TTC39B: variants seen among roughly 807,000 people sequenced by gnomAD.
The protein encoded by TTC39B is tetratricopeptide repeat protein 39B.
Under a neutral mutation model 96.6 loss-of-function variants are expected in TTC39B, and 92 were observed. The observed-to-expected ratio is 0.95, with a 90% confidence interval of 0.80 to 1.13. The LOEUF is 1.13. Ranked by LOEUF, TTC39B falls within the 50% of genes most tolerant of loss-of-function variation. The probability of loss-of-function intolerance (pLI) is 0.00; values close to 1 mark genes in which losing one functional copy is unlikely to be tolerated. For missense variants in TTC39B, 955 were observed against 809.3 expected (o/e 1.18, Z -2.18); for synonymous variants, 367 against 299.4 (o/e 1.23, Z -2.33).
intron 1 of TTC39B, among the ~76,000 whole-genome samples, chr9:15,304,688 C>T (rs1047520145): frequency 2.6e-4 from 40 of 151,744 alleles, no homozygotes; most frequent in African/African-American, 9.2e-4. Flanking sequence ...CAATAAAAAC[C>T]CAGATCTTTA....
chr9:15,195,563 G>A (rs1408360407), intron 8 of TTC39B, among the ~76,000 whole-genome samples: 2 of 151,608 alleles, frequency 1.3e-5, no homozygotes, highest in African/African-American at 2.4e-5. Context: ...TCAGCTACTC[G>A]GGAGGCTGAG....
intron 2 of TTC39B, among the ~76,000 whole-genome samples, chr9:15,234,288 G>T (rs556470584): frequency 6.7e-6 from 1 of 148,444 alleles, no homozygotes; most frequent in Non-Finnish European, 1.5e-5. Context: ...CAGGCCAGCC[G>T]CCCCATCCGG....
At chr9:15,229,716 T>C (rs1821318788) in intron 2 of TTC39B, among the ~76,000 whole-genome samples, 1 of 152,258 alleles carries the variant, frequency 6.6e-6, no homozygotes, top group African/African-American at 2.4e-5. Flanking sequence ...GGTCTGTTTC[T>C]GGGCATTCTT....
intron 9 of TTC39B, among the ~76,000 whole-genome samples, chr9:15,192,276 C>T (rs550457147): frequency 1.3e-5 from 2 of 152,306 alleles, no homozygotes; most frequent in East Asian, 1.9e-4. Context: ...ATTCCAGAGC[C>T]GTCATTGTCA....
At chr9:15,212,742 C>T (rs1396156807) in intron 4 of TTC39B, among the ~76,000 whole-genome samples, 4 of 152,148 alleles carry the variant, frequency 2.6e-5, no homozygotes, top group Admixed American at 1.3e-4. Context: ...GTACAAAAAT[C>T]GGAGACTAAC....
chr9:15,171,670 G>C (rs1183995782), exon 20 of TTC39B: 1 of 151,684 alleles, frequency 6.6e-6, no homozygotes, highest in Non-Finnish European at 1.4e-5. Flanking sequence ...CAACTTGTAA[G>C]CTATTTGCTA....
rs143499918 is a variant in TTC39B at position 15,214,967 on chromosome 9, T to C, written c.372-718A>G. On this transcript the variant is annotated intron_variant, in intron 3 of 19. Transcript: ENST00000512701. Reference sequence around the variant, plus strand: ...ATGATTTGGCAAACAAAACTGCTGATAAGAAATAAACCAGCACGCATGTTT... The same window carrying C: ...ATGATTTGGCAAACAAAACTGCTGACAAGAAATAAACCAGCACGCATGTTT... Among the ~76,000 whole-genome samples, 605 of 152,292 alleles carry C rather than the reference T, an allele frequency of 4.0e-3. 4 individuals carry two copies. Among genetic ancestry groups the C allele is most frequent in the African/African-American group, 0.013 (552 of 41,568 alleles).
At chr9:15,290,053 T>C (rs1306436185) in intron 1 of TTC39B, among the ~76,000 whole-genome samples, 1 of 152,218 alleles carries the variant, frequency 6.6e-6, no homozygotes, top group Non-Finnish European at 1.5e-5. Flanking sequence ...ATATAATGAC[T>C]GCTCATTTTT....
intron 9 of TTC39B, among the ~76,000 whole-genome samples, chr9:15,191,876 G>C (rs1276632595): frequency 6.6e-6 from 1 of 152,178 alleles, no homozygotes; most frequent in African/African-American, 2.4e-5. Flanking sequence ...AAGAGGTCTG[G>C]GGAAGAAGTA....
At chr9:15,242,898 T>C (rs504822) in intron 2 of TTC39B, among the ~76,000 whole-genome samples, 68,603 of 152,098 alleles carry the variant, frequency 0.45, 16,729 homozygotes, top group African/African-American at 0.63. Context: ...GCATGATGAT[T>C]CTGTAACAAA....
At chr9:15,194,937 A>G (rs1819068585) in intron 8 of TTC39B, among the ~76,000 whole-genome samples, 2 of 152,140 alleles carry the variant, frequency 1.3e-5, no homozygotes, top group Admixed American at 6.6e-5. Flanking sequence ...CCAGTTGGTA[A>G]CTCTACAGTG....
chr9:15,259,667 A>ATCTTGC (rs1350275113), intron 2 of TTC39B, among the ~76,000 whole-genome samples: 6 of 152,234 alleles, frequency 3.9e-5, no homozygotes, highest in Non-Finnish European at 7.3e-5. Context: ...AGGATGGTTC[A>ATCTTGC]ACTTGCAATT....
chr9:15,227,286 C>A (rs1162637719), intron 2 of TTC39B, among the ~76,000 whole-genome samples: 2 of 147,832 alleles, frequency 1.4e-5, no homozygotes, highest in Non-Finnish European at 3.0e-5. Context: ...CCAGCCTGGG[C>A]GACAAGAGCA....
intron 13 of TTC39B, among the ~76,000 whole-genome samples, 175 bp downstream of exon 13, chr9:15,189,399 A>C (rs1818720342): frequency 6.6e-6 from 1 of 151,300 alleles, no homozygotes; most frequent in Non-Finnish European, 1.5e-5. Context: ...GATTTTATAT[A>C]ATAGAATGTA....
At chr9:15,251,470 G>A (rs1348620556) in intron 2 of TTC39B, among the ~76,000 whole-genome samples, 4 of 151,688 alleles carry the variant, frequency 2.6e-5, no homozygotes, top group South Asian at 4.1e-4. Context: ...GCTGAGGCAG[G>A]AGAATCACTT....
intron 3 of TTC39B, among the ~76,000 whole-genome samples, chr9:15,222,102 C>T (rs1047632869): frequency 6.6e-6 from 1 of 152,170 alleles, no homozygotes; most frequent in African/African-American, 2.4e-5. Context: ...TTCCCGAGCT[C>T]AGTCAAGGGT....
chr9:15,285,698 C>T (rs535793321), intron 1 of TTC39B, among the ~76,000 whole-genome samples: 2 of 152,004 alleles, frequency 1.3e-5, no homozygotes, highest in South Asian at 4.2e-4. Flanking sequence ...ACTAAAAATA[C>T]AAAAAAATTA....
chr9:15,307,044 G>T (rs888163797), intron 1 of TTC39B, 40 bp downstream of exon 1: 1 of 1,599,930 alleles, frequency 6.3e-7, no homozygotes, highest in Admixed American at 1.7e-5. Context: ...TCCTGTCCAG[G>T]GCTTCAGGGG....
intron 7 of TTC39B, among the ~76,000 whole-genome samples, chr9:15,200,638 T>C (rs1819479935): frequency 1.3e-5 from 2 of 152,216 alleles, no homozygotes; most frequent in Non-Finnish European, 2.9e-5. Flanking sequence ...CTCTAATAGA[T>C]GGTACTAGTG....
Sources: allele counts gnomAD v4.1 joint callset (sites outside exome capture counted in the v4.1 genomes callset), GRCh38; gene constraint gnomAD v4.1.1; transcripts MANE v1.5; gene names NCBI Gene and HGNC (gene_info 2026-07-23, HGNC 2026-07-21).